Variants in LHCGR observed in about 807,000 individuals in gnomAD.
LHCGR encodes luteinizing hormone/choriogonadotropin receptor.
A neutral mutation model predicts 60.7 loss-of-function variants in LHCGR; 55 were observed. That is an observed-to-expected ratio of 0.91 (90% CI 0.73 to 1.13). The LOEUF (loss-of-function observed/expected upper bound fraction) is 1.13. Ranked by LOEUF, LHCGR falls within the 50% of genes most tolerant of loss-of-function variation. The probability of loss-of-function intolerance (pLI) is 0.00; values close to 1 mark genes in which losing one functional copy is unlikely to be tolerated. For missense variants in LHCGR, 862 were observed against 836.0 expected, an observed-to-expected ratio of 1.03 and a Z score of -0.38; for synonymous variants, 337 against 316.5, an observed-to-expected ratio of 1.06 and a Z score of -0.69.
In LHCGR at chr2:48,723,481, C is replaced by G; in HGVS notation, c.511G>C (p.Gly171Arg). Residue 171 changes from glycine (G) to arginine (R), a missense_variant, in exon 6 of 11, where the codon GGG (glycine) becomes CGG (arginine). By Grantham distance (125) the Gly-to-Arg change is moderately radical. Coordinates refer to ENST00000294954, the MANE Select transcript of LHCGR (RefSeq NM_000233.4). ...AGTGTTACAGATTCATTATTCATCCCTTGAAAAGCATTTCCTGGTATGGTG... is the reference window on the plus strand; with the variant it reads ...AGTGTTACAGATTCATTATTCATCCGTTGAAAAGCATTTCCTGGTATGGTG... ...ITTIPGNAFQ[G>R]MNNESVTLKL... 1 of 1,612,246 alleles carries G rather than the reference C, an allele frequency of 6.2e-7. No homozygotes were observed. Among genetic ancestry groups the G allele is most frequent in the Non-Finnish European group, 8.5e-7 (1 of 1,178,328 alleles).
rs1484878428 is a variant in LHCGR, at chr2:48,688,579, A to G, written c.1218T>C (p.Phe406=). The G allele has an allele frequency of 3.1e-6, 5 of 1,614,068 alleles. No homozygotes were observed. Among genetic ancestry groups the G allele is most frequent in the Non-Finnish European group, 4.2e-6 (5 of 1,180,050 alleles). ...FLMCNLSFAD[F]CMGLYLLLIA... is the part of the protein sequence containing the mutation. ...TGAGCAGCAGATAGAGCCCCATGCA[A>G]AAGTCTGCAAAGGAGAGATTGCACA... Residue 406 remains phenylalanine, a synonymous_variant, in exon 11 of 11, where the codon TTT becomes TTC. Coordinates refer to ENST00000294954, the MANE Select transcript of LHCGR (RefSeq NM_000233.4). This position sits in a 1 kb window ranked among gnomAD's most constrained non-coding sequence, Gnocchi z 5.2.
At chr2:48,711,965 T>G (rs1668012571) in intron 7 of LHCGR, among the ~76,000 whole-genome samples, 1 of 152,128 alleles carries the variant, frequency 6.6e-6, no homozygotes, top group Non-Finnish European at 1.5e-5. Flanking sequence ...CTATGGCATC[T>G]AAGGCCCTTC....
intron 6 of LHCGR, among the ~76,000 whole-genome samples, chr2:48,718,209 T>C (rs1012705532): frequency 1.3e-5 from 2 of 152,186 alleles, no homozygotes; most frequent in African/African-American, 4.8e-5. Context: ...CCCCAACTTC[T>C]CTATTACAAT....
intron 7 of LHCGR, among the ~76,000 whole-genome samples, chr2:48,710,279 A>T (rs141986816): frequency 1.3e-5 from 2 of 152,222 alleles, no homozygotes; most frequent in Non-Finnish European, 2.9e-5. Flanking sequence ...TGTTTAAAAT[A>T]TAAATCAAAA....
intron 7 of LHCGR, among the ~76,000 whole-genome samples, chr2:48,711,180 G>A (rs114603539): frequency 1.4e-4 from 22 of 152,192 alleles, no homozygotes; most frequent in African/African-American, 2.6e-4. Flanking sequence ...TAAATATCAC[G>A]TCCTCAGTGA....
At chr2:48,708,892 A>C in intron 8 of LHCGR, 56 bp downstream of exon 8, 1 of 1,333,622 alleles carries the variant, frequency 7.5e-7, no homozygotes, top group South Asian at 1.2e-5. Context: ...GGACACCCTA[A>C]GCAGTCCTGT....
chr2:48,716,889 T>G (rs1165325221), intron 6 of LHCGR, among the ~76,000 whole-genome samples: 1 of 152,220 alleles, frequency 6.6e-6, no homozygotes, highest in Non-Finnish European at 1.5e-5. Context: ...TGGAGTTGCT[T>G]GTCAAAAATG....
chr2:48,730,863 C>T (rs186190555), intron 2 of LHCGR, among the ~76,000 whole-genome samples: 60 of 152,206 alleles, frequency 3.9e-4, no homozygotes, highest in African/African-American at 1.3e-3. Flanking sequence ...ATTTCCAACA[C>T]ATTTTTTTTC....
At chr2:48,693,953 G>GC (rs1295160716) in intron 10 of LHCGR, among the ~76,000 whole-genome samples, 6 of 152,260 alleles carry the variant, frequency 3.9e-5, no homozygotes, top group African/African-American at 1.4e-4. Flanking sequence ...CAACATACCT[G>GC]CAAAATTTTA....
chr2:48,731,320 C>T, intron 1 of LHCGR, 22 bp from the exon 2 acceptor site: 11 of 1,573,152 alleles, frequency 7.0e-6, no homozygotes, highest in Non-Finnish European at 9.6e-6. Context: ...AAAAGGAAAT[C>T]CAAGAGTTTA....
chr2:48,700,389 G>A (rs1667348933), intron 8 of LHCGR, among the ~76,000 whole-genome samples: 1 of 152,156 alleles, frequency 6.6e-6, no homozygotes, highest in Admixed American at 6.5e-5. Context: ...TACGATTCAA[G>A]TCCTAGGGGT....
At chr2:48,755,452 C>T in intron 1 of LHCGR, 59 bp downstream of exon 1, 1 of 1,082,302 alleles carries the variant, frequency 9.2e-7, no homozygotes, top group Non-Finnish European at 1.4e-6. Context: ...GGGAAGGTGG[C>T]ATAGAGCGAT....
chr2:48,748,533 C>T (rs1460845233), intron 1 of LHCGR, among the ~76,000 whole-genome samples: 3 of 152,184 alleles, frequency 2.0e-5, no homozygotes, highest in African/African-American at 7.2e-5. Flanking sequence ...AACTTATTCA[C>T]TTTCCAGGTT....
At chr2:48,718,444 T>G (rs1022963656) in intron 6 of LHCGR, among the ~76,000 whole-genome samples, 1 of 152,220 alleles carries the variant, frequency 6.6e-6, no homozygotes, top group African/African-American at 2.4e-5. Flanking sequence ...GACATTCTTC[T>G]ATAGTTTCCT....
chr2:48,689,128 T>C (rs553167806), intron 10 of LHCGR, among the ~76,000 whole-genome samples: 4 of 151,020 alleles, frequency 2.6e-5, no homozygotes, highest in East Asian at 3.9e-4. Context: ...TATATACACA[T>C]ATATACATAT....
intron 6 of LHCGR, chr2:48,720,491 ATTACTTTTTCCAGAG>A (rs1668450199): frequency 6.6e-6 from 1 of 152,112 alleles, no homozygotes; most frequent in Non-Finnish European, 1.5e-5. Flanking sequence ...AGATTATTTT[ATTACTTTTTCCAGAG>A]TTACCTCCAA....
chr2:48,737,058 G>A (rs1291581195), intron 1 of LHCGR, among the ~76,000 whole-genome samples: 2 of 152,198 alleles, frequency 1.3e-5, no homozygotes, highest in African/African-American at 2.4e-5. Flanking sequence ...AGAAGAGCCA[G>A]GGAAGAAATG....
chr2:48,741,422 T>A (rs1669445895), intron 1 of LHCGR, among the ~76,000 whole-genome samples: 1 of 149,564 alleles, frequency 6.7e-6, no homozygotes, highest in Admixed American at 6.7e-5. Flanking sequence ...AAAGAAAAAA[T>A]GTTAAGGACA....
At chr2:48,719,576 G>A (rs1179914983) in intron 6 of LHCGR, among the ~76,000 whole-genome samples, 1 of 152,196 alleles carries the variant, frequency 6.6e-6, no homozygotes, top group East Asian at 1.9e-4. Flanking sequence ...TATTTGGGAA[G>A]GAGGGGCATT....
Sources: allele counts gnomAD v4.1 joint callset (sites outside exome capture counted in the v4.1 genomes callset), GRCh38; gene constraint gnomAD v4.1.1; non-coding constraint Gnocchi (gnomAD v3.1); transcripts MANE v1.5; gene names NCBI Gene and HGNC (gene_info 2026-07-23, HGNC 2026-07-21).